The following DOC2B variants were observed in gnomAD, a reference collection of about 807,000 sequenced individuals.
DOC2B encodes the protein double C2 domain beta, also known as double C2-like domain-containing protein beta.
In DOC2B, 21 loss-of-function variants were observed where a neutral mutation model predicts 28.9. The ratio of observed to expected loss-of-function variants is 0.73; its 90% confidence interval spans 0.52 to 1.05. The LOEUF (loss-of-function observed/expected upper bound fraction) is 1.05. Ranked by LOEUF, DOC2B falls within the 50% of genes least tolerant of loss-of-function variation. DOC2B has a pLI of 0.00. For synonymous variants in DOC2B, 194 were observed against 178.1 expected, an observed-to-expected ratio of 1.09 and a Z score of -0.71; for missense variants, 384 against 421.1, an observed-to-expected ratio of 0.91 and a Z score of 0.77.
rs2040001661 is a variant in DOC2B at position 144,002 on chromosome 17, C to T, written c.*3439G>A. On this transcript the variant is annotated 3_prime_UTR_variant, in exon 9 of 9. Transcript: ENST00000613549. ...ACGGGCCGGGGCGCAGTTCCCCGCG[C>T]TCGCCACTAGAGGTCAGGAGGTGAC... 1 of 151,868 alleles carries T rather than the reference C, an allele frequency of 6.6e-6. No homozygotes were observed. The highest frequency in any genetic ancestry group is 6.6e-5 in the Admixed American group (1 of 15,216). The allele number at this position is 151,868 out of a possible 1,614,324, so 9.4% of individuals were successfully genotyped here.
At chr17:158,208 C>T (rs1371874691) in intron 5 of DOC2B, among the ~76,000 whole-genome samples, 1 of 152,132 alleles carries the variant, frequency 6.6e-6, no homozygotes, top group African/African-American at 2.4e-5. Context: ...CCCGAGACTA[C>T]CCGGCTTCTT....
At position 161,511 on chromosome 17, in the gene DOC2B, C is replaced by T. The variant is rs188773037; in HGVS notation, c.669G>A (p.Arg223=). The T allele has an allele frequency of 6.8e-5, 106 of 1,551,712 alleles. No homozygotes were observed. The African/African-American group carries it at 1.4e-3, about 20-fold the overall frequency. ...RISVCDEDKF[R]HNEFIGETRV... is the part of the protein sequence containing the mutation. ...GTGTCTCCCCGATGAACTCATTGTG[C>T]CGGAATTTGTCCTCGTCACACACAG... The change falls in exon 5 of 9, where the codon CGG becomes CGA. Residue 223 remains arginine (R), a synonymous_variant. Transcript: ENST00000613549.
In DOC2B at chr17:144,509, C is replaced by T. The variant is rs1401402612; in HGVS notation, c.*2932G>A. 6.6e-6 allele frequency: 1 copy of T among 152,254 alleles called. No individual in the cohort carries two copies. The highest frequency in any genetic ancestry group is 1.5e-5 in the Non-Finnish European group (1 of 68,074). 9.4% of individuals were successfully genotyped at this position (152,254 alleles called of 1,614,324 possible). On this transcript the variant is annotated 3_prime_UTR_variant, in exon 9 of 9. Transcript: ENST00000613549. ...TCCTGACCTCAGGTGATCCGCCAGC[C>T]TCGGCCTCCCAAAGTGCTGCAATTA...
At chr17:163,832 G>T in intron 3 of DOC2B, 1 of 382,582 alleles carries the variant, frequency 2.6e-6, no homozygotes. Flanking sequence ...AGCTGAGAAT[G>T]CTTCTTATAA....
rs2040389642 is a variant in DOC2B, at chr17:177,939, G to A, written c.373+3168C>T. Among the ~76,000 whole-genome samples, 5 of 152,248 alleles carry A rather than the reference G, an allele frequency of 3.3e-5. No homozygotes were observed. In the South Asian group the frequency reaches 1.0e-3, roughly 31 times the overall value. On this transcript the variant is annotated intron_variant, in intron 1 of 8. Transcript: ENST00000613549. ...ACCCGGTCCTGGGTGAACCACACAG[G>A]GCAGGTTTAACACGGGCATGTGATC...
intron 6 of DOC2B, among the ~76,000 whole-genome samples, chr17:154,014 C>T (rs1046422814): frequency 2.4e-4 from 36 of 152,314 alleles, no homozygotes; most frequent in African/African-American, 7.2e-4. Context: ...ATTCTGGACA[C>T]GTCATAGAAA....
At chr17:169,017 TGG>T (rs1283720928) in intron 2 of DOC2B, among the ~76,000 whole-genome samples, 2 of 152,038 alleles carry the variant, frequency 1.3e-5, no homozygotes, top group African/African-American at 4.8e-5. Context: ...AGGGAAGAGA[TGG>T]GGGGTCTGGC....
Position 181,201 on chromosome 17 carries a change from G to T in DOC2B, c.279C>A (p.Ser93Arg). 1 of 1,232,396 alleles carries T rather than the reference G, an allele frequency of 8.1e-7. No individual in the cohort carries two copies. Among genetic ancestry groups the T allele is most frequent in the Non-Finnish European group, 1.0e-6 (1 of 987,710 alleles). The allele number at this position is 1,232,396 out of a possible 1,614,324, so 76.3% of individuals were successfully genotyped here. A position where few individuals can be genotyped will look rare whatever the true frequency, so the allele number is the denominator to read the frequency against. ...VDQLFGAYGS[S>R]PGPSPGPSPA... Reference sequence around the variant, plus strand: ...GGCTGGGACCCGGGCTGGGGCCCGGGCTGGAGCCGTAGGCTCCGAAGAGCT... The same window carrying T: ...GGCTGGGACCCGGGCTGGGGCCCGGTCTGGAGCCGTAGGCTCCGAAGAGCT... The change falls in exon 1 of 9, where the codon AGC (serine) becomes AGA (arginine). Residue 93 changes from serine (S) to arginine (R), a missense_variant. Ser to Arg is a moderately radical substitution (Grantham distance 110, BLOSUM62 -1). Transcript: ENST00000613549. The surrounding 1 kb of genome is among the most constrained non-coding windows in gnomAD (Gnocchi z 7.0).
intron 3 of DOC2B, 90 bp from the exon 4 acceptor site, chr17:162,280 G>T: frequency 2.1e-6 from 2 of 949,018 alleles, no homozygotes; most frequent in Non-Finnish European, 1.6e-6. Context: ...TCATCTTGGA[G>T]CCTGTGAATG....
intron 5 of DOC2B, among the ~76,000 whole-genome samples, chr17:158,869 AC>A (rs1001084255): frequency 2.0e-5 from 3 of 151,714 alleles, no homozygotes; most frequent in African/African-American, 7.3e-5. Context: ...ACATGGTGAA[AC>A]CCCATCTCTA....
rs2040015591 is a variant in DOC2B at position 145,994 on chromosome 17, G to C, written c.*1447C>G. The C allele has an allele frequency of 6.6e-6, 1 of 152,430 alleles. No homozygotes were observed. The highest frequency in any genetic ancestry group is 1.5e-5 in the Non-Finnish European group (1 of 68,184). The allele number at this position is 152,430 out of a possible 1,614,324, so 9.4% of individuals were successfully genotyped here. Reference sequence around the variant, plus strand: ...ATTTGTTCACCCAGCGTTCCTGAGGGGCCCTTGGTAGGCAGAGAAAGTTTG... The same window carrying C: ...ATTTGTTCACCCAGCGTTCCTGAGGCGCCCTTGGTAGGCAGAGAAAGTTTG... On this transcript the variant is annotated 3_prime_UTR_variant, in exon 9 of 9. Coordinates refer to ENST00000613549, the MANE Select transcript of DOC2B (RefSeq NM_003585.5).
intron 6 of DOC2B, among the ~76,000 whole-genome samples, chr17:153,119 C>T (rs1017822826): frequency 7.0e-6 from 1 of 142,856 alleles, no homozygotes; most frequent in Non-Finnish European, 1.6e-5. Flanking sequence ...GGCTCAGATA[C>T]AGGGAGTGGC....
Position 152,305 on chromosome 17 carries a change from C to T in DOC2B, c.924-3113G>A, listed in dbSNP as rs1031253670. ...CGCACAGGCTGCTGAGCGCGTCACACGCAGCCATCGCGCAGCTCAGGGATA... is the reference window on the plus strand; with the variant it reads ...CGCACAGGCTGCTGAGCGCGTCACATGCAGCCATCGCGCAGCTCAGGGATA... On this transcript the variant is annotated intron_variant, in intron 6 of 8. Transcript: ENST00000613549. 3.3e-4 allele frequency among the ~76,000 whole-genome samples: 50 copies of T among 152,314 alleles called. 1 individual carries two copies. The highest frequency in any genetic ancestry group is 3.0e-3 in the Admixed American group (46 of 15,306).
intron 5 of DOC2B, among the ~76,000 whole-genome samples, chr17:160,915 C>T (rs375579671): frequency 4.6e-5 from 7 of 152,140 alleles, no homozygotes; most frequent in African/African-American, 2.4e-5. Context: ...GCTCCTTGCG[C>T]GTCCTGTCCA....
intron 3 of DOC2B, chr17:163,541 C>T (rs986759372): frequency 3.3e-5 from 5 of 152,392 alleles, no homozygotes; most frequent in African/African-American, 1.2e-4. Flanking sequence ...GGCTCAAGGT[C>T]ACCTTGATGC....
At chr17:170,604 G>T (rs974519732) in intron 2 of DOC2B, among the ~76,000 whole-genome samples, 1 of 152,182 alleles carries the variant, frequency 6.6e-6, no homozygotes, top group Non-Finnish European at 1.5e-5. Context: ...CTACTAGGGA[G>T]ACTCTACTGG....
chr17:158,738 A>C (rs2040164538), intron 5 of DOC2B, among the ~76,000 whole-genome samples: 1 of 152,172 alleles, frequency 6.6e-6, no homozygotes, highest in East Asian at 1.9e-4. Flanking sequence ...TGTGGTGTGA[A>C]AATTAAACAA....
rs549549098 is a variant in DOC2B, at chr17:154,262, G to A, written c.923+1958C>T. ...CTTAGGGCTGATATTCCACGCACCCGCTACACTCCTTCTTAGGGCTGATAT... is the reference window on the plus strand; with the variant it reads ...CTTAGGGCTGATATTCCACGCACCCACTACACTCCTTCTTAGGGCTGATAT... On this transcript the variant is annotated intron_variant, in intron 6 of 8. Coordinates refer to ENST00000613549, the MANE Select transcript of DOC2B (RefSeq NM_003585.5). Among the ~76,000 whole-genome samples the A allele has an allele frequency of 8.7e-5, 13 of 150,044 alleles. No homozygotes were observed. The South Asian group carries it at 1.5e-3, about 17-fold the overall frequency.
At position 143,950 on chromosome 17, in the gene DOC2B, C is replaced by CAT. The variant is rs1322092595; in HGVS notation, c.*3489_*3490dup. On this transcript the variant is annotated 3_prime_UTR_variant, in exon 9 of 9. Transcript: ENST00000613549. ...GTTTGCGAAGGAACAACGGGCTCGG[C>CAT]ATGCACGGCCCGGGCTCGGCGGGCG... 3 of 152,458 alleles carry CAT rather than the reference C, an allele frequency of 2.0e-5. No homozygotes were observed. The highest frequency in any genetic ancestry group is 4.4e-5 in the Non-Finnish European group (3 of 68,038). 9.4% of individuals were successfully genotyped at this position (152,458 alleles called of 1,614,324 possible). A position where few individuals can be genotyped will look rare whatever the true frequency, so the allele number is the denominator to read the frequency against.
Sources: allele counts gnomAD v4.1 joint callset (sites outside exome capture counted in the v4.1 genomes callset), GRCh38; gene constraint gnomAD v4.1.1; non-coding constraint Gnocchi (gnomAD v3.1); transcripts MANE v1.5; gene names NCBI Gene and HGNC (gene_info 2026-07-23, HGNC 2026-07-21).